Variants in TACR1 observed in about 807,000 individuals in gnomAD.
TACR1 encodes tachykinin receptor 1, also known as substance-P receptor.
Under a neutral mutation model 35.8 loss-of-function variants are expected in TACR1, and 25 were observed. That is an observed-to-expected ratio of 0.70 (90% CI 0.51 to 0.98). The LOEUF (loss-of-function observed/expected upper bound fraction) is 0.98. Among genes scored for constraint, TACR1 ranks in the 50% least tolerant of loss-of-function variants. TACR1 has a pLI of 0.00. For synonymous variants in TACR1, 195 were observed against 206.7 expected (o/e 0.94, Z 0.48); for missense variants, 478 against 522.9 (o/e 0.91, Z 0.84).
chr2:75,086,340 T>C (rs1354495502), intron 2 of TACR1, among the ~76,000 whole-genome samples: 1 of 152,248 alleles, frequency 6.6e-6, no homozygotes, highest in Non-Finnish European at 1.5e-5. Context: ...TGATATGTTT[T>C]TGCATGTCTT....
chr2:75,121,272 A>G (rs1415603011), intron 1 of TACR1, among the ~76,000 whole-genome samples: 1 of 152,208 alleles, frequency 6.6e-6, no homozygotes, highest in African/African-American at 2.4e-5. Context: ...GTGACAAAGC[A>G]TTGGCCTAAA....
intron 1 of TACR1, among the ~76,000 whole-genome samples, chr2:75,167,777 C>T (rs570771854): frequency 6.6e-6 from 1 of 152,226 alleles, no homozygotes; most frequent in African/African-American, 2.4e-5. Context: ...AAATAACCAA[C>T]TTGAAGTATA....
At chr2:75,197,651 A>C (rs1305415605) in intron 1 of TACR1, among the ~76,000 whole-genome samples, 2 of 152,166 alleles carry the variant, frequency 1.3e-5, no homozygotes, top group African/African-American at 2.4e-5. Flanking sequence ...TACCATCCCC[A>C]GTGTTTGAAA....
intron 2 of TACR1, among the ~76,000 whole-genome samples, chr2:75,061,490 G>A (rs1057007327): frequency 6.6e-6 from 1 of 152,146 alleles, no homozygotes; most frequent in Non-Finnish European, 1.5e-5. Flanking sequence ...AGCTGTCTGT[G>A]TGTTTGGTTG....
intron 1 of TACR1, among the ~76,000 whole-genome samples, chr2:75,161,477 T>G (rs930235080): frequency 6.6e-6 from 1 of 152,040 alleles, no homozygotes; most frequent in African/African-American, 2.4e-5. Context: ...TTCACAGAGG[T>G]ACAATCAATA....
At chr2:75,050,561 AT>A (rs1170978928) in intron 4 of TACR1, among the ~76,000 whole-genome samples, 1 of 152,146 alleles carries the variant, frequency 6.6e-6, no homozygotes, top group Non-Finnish European at 1.5e-5. Flanking sequence ...CCCATGGTGA[AT>A]TCCCTAATGC....
intron 1 of TACR1, among the ~76,000 whole-genome samples, chr2:75,170,970 G>T (rs962426907): frequency 6.6e-6 from 1 of 152,170 alleles, no homozygotes; most frequent in Non-Finnish European, 1.5e-5. Context: ...AAAATTTGCA[G>T]CCTGATGATG....
intron 2 of TACR1, among the ~76,000 whole-genome samples, chr2:75,103,938 A>G (rs1040588941): frequency 2.6e-5 from 4 of 152,134 alleles, no homozygotes; most frequent in East Asian, 1.9e-4. Flanking sequence ...GAATCAAAGC[A>G]TACTATTATA....
At position 75,047,564 on chromosome 2, in the gene TACR1, C is replaced by T. The variant is rs1309337172; in HGVS notation, c.*1868G>A. 1.3e-5 allele frequency: 2 copies of T among 152,238 alleles called. No homozygotes were observed. Among genetic ancestry groups the T allele is most frequent in the East Asian group, 3.8e-4 (2 of 5,202 alleles). The allele number at this position is 152,238 out of a possible 1,614,324, so 9.4% of individuals were successfully genotyped here. ...TTCTCATAATCATGTTAGCTCTTTACATTCTTCCAAAGTGAGTAATCCATA... is the reference window on the plus strand; with the variant it reads ...TTCTCATAATCATGTTAGCTCTTTATATTCTTCCAAAGTGAGTAATCCATA... On this transcript the variant is annotated 3_prime_UTR_variant, in exon 5 of 5. Coordinates refer to ENST00000305249, the MANE Select transcript of TACR1 (RefSeq NM_001058.4).
rs369804402 is a variant in TACR1 at position 75,048,582 on chromosome 2, GT to G, written c.*849del. ...TTTCTATTCTTTTATTCTTCGTTTTGTTTTTTTTTGTAAAACAAACAAAAAA... is the reference window on the plus strand; with the variant it reads ...TTTCTATTCTTTTATTCTTCGTTTTGTTTTTTTTGTAAAACAAACAAAAAA... On this transcript the variant is annotated 3_prime_UTR_variant, in exon 5 of 5. Transcript: ENST00000305249. 187 of 150,760 alleles carry G rather than the reference GT, an allele frequency of 1.2e-3. No homozygotes were observed. The highest frequency in any genetic ancestry group is 4.4e-3 in the African/African-American group (181 of 41,072). 9.3% of individuals were successfully genotyped at this position (150,760 alleles called of 1,614,324 possible).
At position 75,088,741 on chromosome 2, in the gene TACR1, C is replaced by T. The variant is rs918650811; in HGVS notation, c.584+31833G>A. On this transcript the variant is annotated intron_variant, in intron 2 of 4. Transcript: ENST00000305249. ...TGGGGTGATGGGGGTTTAGGCGGAT[C>T]GGTGACAAGGAAGGGGGATGGTATC... Among the ~76,000 whole-genome samples, 10 of 152,158 alleles carry T rather than the reference C, an allele frequency of 6.6e-5. No individual in the cohort carries two copies. The East Asian group carries it at 1.9e-3, about 30-fold the overall frequency.
chr2:75,131,551 T>A (rs552399964), intron 1 of TACR1, among the ~76,000 whole-genome samples: 2 of 152,316 alleles, frequency 1.3e-5, no homozygotes, highest in East Asian at 3.9e-4. Flanking sequence ...ATAAAAATAA[T>A]GCACTTACTA....
chr2:75,153,211 A>T (rs564934767), intron 1 of TACR1, among the ~76,000 whole-genome samples: 3 of 152,216 alleles, frequency 2.0e-5, no homozygotes, highest in African/African-American at 4.8e-5. Context: ...AAGACTTCTT[A>T]TAAGAGTTCT....
chr2:75,113,309 C>A (rs1673786371), intron 2 of TACR1, among the ~76,000 whole-genome samples: 1 of 152,138 alleles, frequency 6.6e-6, no homozygotes, highest in African/African-American at 2.4e-5. Flanking sequence ...CCAAAGGAGT[C>A]CTAAATTGGG....
intron 1 of TACR1, among the ~76,000 whole-genome samples, chr2:75,151,897 C>T (rs1351046388): frequency 6.6e-6 from 1 of 152,200 alleles, no homozygotes; most frequent in African/African-American, 2.4e-5. Flanking sequence ...TCACTGTGAC[C>T]TCGATGTGAG....
Position 75,198,673 on chromosome 2 carries a change from C to A in TACR1, c.262G>T (p.Val88Leu). 1 of 1,614,218 alleles carries A rather than the reference C, an allele frequency of 6.2e-7. No individual in the cohort carries two copies. Among genetic ancestry groups the A allele is most frequent in the Non-Finnish European group, 8.5e-7 (1 of 1,180,034 alleles). Residue 88 changes from valine (V) to leucine (L), a missense_variant, in exon 1 of 5, where the codon GTG becomes TTG. Val to Leu is a conservative substitution (Grantham distance 32, BLOSUM62 1). Coordinates refer to ENST00000305249, the MANE Select transcript of TACR1 (RefSeq NM_001058.4). ...EASMAAFNTV[V>L]NFTYAVHNEW... ...TTGTGGACAGCATAGGTGAAGTTCA[C>A]CACTGTATTGAATGCAGCCATGGAG...
intron 2 of TACR1, 100 bp downstream of exon 2, chr2:75,120,474 G>A (rs1306906469): frequency 5.2e-6 from 6 of 1,158,630 alleles, no homozygotes; most frequent in Non-Finnish European, 7.3e-6. Context: ...CATTAAATCT[G>A]TACCAACAAA....
At chr2:75,182,972 C>G (rs184162008) in intron 1 of TACR1, among the ~76,000 whole-genome samples, 1 of 152,274 alleles carries the variant, frequency 6.6e-6, no homozygotes, top group East Asian at 1.9e-4. Context: ...CTTATTAATA[C>G]TTATTTCTCC....
In TACR1 at chr2:75,047,932, G is replaced by A. The variant is rs1036288923; in HGVS notation, c.*1500C>T. On this transcript the variant is annotated 3_prime_UTR_variant, in exon 5 of 5. Coordinates refer to ENST00000305249, the MANE Select transcript of TACR1 (RefSeq NM_001058.4). The stretch of plus-strand genomic sequence containing the variant: ...TTCATGGATGTTACATGAAGCTTCT[G>A]CTTCCAGCCATATCTGGAAAAAACA... The A allele has an allele frequency of 2.0e-5, 3 of 152,084 alleles. No individual in the cohort carries two copies. The highest frequency in any genetic ancestry group is 4.4e-5 in the Non-Finnish European group (3 of 68,030). The allele number at this position is 152,084 out of a possible 1,614,324, so 9.4% of individuals were successfully genotyped here.
Sources: gnomAD v4.1 joint callset for allele counts (sites outside exome capture counted in the v4.1 genomes callset) on GRCh38, gnomAD v4.1.1 for gene constraint, MANE v1.5 for transcripts, NCBI Gene and HGNC (gene_info 2026-07-23, HGNC 2026-07-21) for gene names.